The following NRDC variants were observed in gnomAD, a reference collection of about 807,000 sequenced individuals.
The protein encoded by NRDC is nardilysin convertase.
A neutral mutation model predicts 147.1 loss-of-function variants in NRDC; 54 were observed. The ratio of observed to expected loss-of-function variants is 0.37; its 90% confidence interval spans 0.29 to 0.46. The LOEUF is 0.46. NRDC is among the 20% of genes least tolerant of loss of function. NRDC has a pLI of 1.00. For missense variants in NRDC, 1,082 were observed against 1,370.6 expected (o/e 0.79, Z 3.33); for synonymous variants, 440 against 482.1 (o/e 0.91, Z 1.14).
chr1:51,805,617 A>G, intron 18 of NRDC, 56 bp from the exon 19 acceptor site: 1 of 1,076,558 alleles, frequency 9.3e-7, no homozygotes, highest in Non-Finnish European at 1.4e-6. Flanking sequence ...TATTTTATAC[A>G]TCTGTTATTT....
chr1:51,800,115 C>G (rs1679123894), intron 21 of NRDC, among the ~76,000 whole-genome samples: 2 of 152,200 alleles, frequency 1.3e-5, no homozygotes, highest in South Asian at 4.1e-4. Context: ...GCTGGGACTA[C>G]AGGCATGTGC....
At chr1:51,856,850 C>G (rs1025681755) in intron 1 of NRDC, among the ~76,000 whole-genome samples, 3 of 152,166 alleles carry the variant, frequency 2.0e-5, no homozygotes, top group Non-Finnish European at 2.9e-5. Flanking sequence ...CTGAGAAATT[C>G]TGTTTCCTGA....
At chr1:51,864,795 TACA>T (rs1256691304) in intron 1 of NRDC, among the ~76,000 whole-genome samples, 1 of 151,792 alleles carries the variant, frequency 6.6e-6, no homozygotes. Flanking sequence ...CTGCTAAAAA[TACA>T]AAAATTAGCC....
At chr1:51,849,043 C>A (rs964390945) in intron 1 of NRDC, among the ~76,000 whole-genome samples, 1 of 152,080 alleles carries the variant, frequency 6.6e-6, no homozygotes, top group Admixed American at 6.5e-5. Context: ...TATAAAGATA[C>A]CAATTCTTCC....
In NRDC at chr1:51,792,833, A is replaced by G. The variant is rs552716914; in HGVS notation, c.2776-409T>C. Reference sequence around the variant, plus strand: ...GGAGAGAAAATGAATAGTGCCACACAACAAGAACCAGTGCCACATAAAAGG... The same window carrying G: ...GGAGAGAAAATGAATAGTGCCACACGACAAGAACCAGTGCCACATAAAAGG... On this transcript the variant is annotated intron_variant, in intron 24 of 30. Transcript: ENST00000352171. Among the ~76,000 whole-genome samples, 3 of 152,360 alleles carry G rather than the reference A, an allele frequency of 2.0e-5. No individual in the cohort carries two copies. The East Asian group carries it at 5.8e-4, about 29-fold the overall frequency.
intron 1 of NRDC, among the ~76,000 whole-genome samples, 178 bp from the exon 2 acceptor site, chr1:51,840,692 A>G (rs1681226955): frequency 6.6e-6 from 1 of 152,196 alleles, no homozygotes; most frequent in African/African-American, 2.4e-5. Flanking sequence ...CCAAAAGCTA[A>G]TCAGTTTTTG....
At chr1:51,846,937 T>C (rs550009588) in intron 1 of NRDC, among the ~76,000 whole-genome samples, 2 of 152,308 alleles carry the variant, frequency 1.3e-5, no homozygotes, top group Admixed American at 6.5e-5. Flanking sequence ...CTAGATTAGC[T>C]AGATACAGAG....
intron 27 of NRDC, 21 bp downstream of exon 27, chr1:51,791,557 T>A (rs747237807): frequency 6.3e-7 from 1 of 1,575,550 alleles, no homozygotes; most frequent in South Asian, 1.1e-5. Context: ...GTTACACTCA[T>A]CTATTCACTC....
At chr1:51,865,773 C>T (rs1346462568) in intron 1 of NRDC, among the ~76,000 whole-genome samples, 4 of 151,938 alleles carry the variant, frequency 2.6e-5, no homozygotes, top group Non-Finnish European at 5.9e-5. Context: ...ACAATATCGA[C>T]CAAGCATGAT....
At chr1:51,851,016 T>G (rs1571905084) in intron 1 of NRDC, among the ~76,000 whole-genome samples, 1 of 152,178 alleles carries the variant, frequency 6.6e-6, no homozygotes, top group East Asian at 1.9e-4. Context: ...GCCTCATCTG[T>G]ACCACATAAG....
chr1:51,878,234 G>T (rs756182663), intron 1 of NRDC, 41 bp downstream of exon 1: 1 of 1,565,902 alleles, frequency 6.4e-7, no homozygotes, highest in Non-Finnish European at 8.7e-7. Context: ...CAGAGAAGCC[G>T]GCACACTGTT....
intron 2 of NRDC, among the ~76,000 whole-genome samples, chr1:51,838,117 A>G (rs1681076334): frequency 6.6e-6 from 1 of 152,136 alleles, no homozygotes; most frequent in Non-Finnish European, 1.5e-5. Context: ...AATCAAAACA[A>G]TTTCTCGTCT....
At chr1:51,820,695 A>G (rs1378489546) in intron 8 of NRDC, among the ~76,000 whole-genome samples, 1 of 152,186 alleles carries the variant, frequency 6.6e-6, no homozygotes, top group East Asian at 1.9e-4. Context: ...ATCAGTTGTC[A>G]TTATAAGTTA....
chr1:51,800,180 G>T (rs1679126911), intron 21 of NRDC, among the ~76,000 whole-genome samples: 1 of 152,018 alleles, frequency 6.6e-6, no homozygotes. Flanking sequence ...TTGCTATATT[G>T]CCCAGGCTAG....
At chr1:51,846,009 A>G (rs954112449) in intron 1 of NRDC, among the ~76,000 whole-genome samples, 2 of 152,262 alleles carry the variant, frequency 1.3e-5, no homozygotes, top group African/African-American at 4.8e-5. Flanking sequence ...AAATGCATAT[A>G]AAGTTACAAC....
chr1:51,840,768 G>C (rs1307128412), intron 1 of NRDC, among the ~76,000 whole-genome samples: 1 of 152,082 alleles, frequency 6.6e-6, no homozygotes, highest in Non-Finnish European at 1.5e-5. Flanking sequence ...TTTAAATTTT[G>C]AACTACATAA....
At chr1:51,836,964 T>A (rs77334672) in intron 2 of NRDC, among the ~76,000 whole-genome samples, 6 of 140,122 alleles carry the variant, frequency 4.3e-5, no homozygotes, top group Non-Finnish European at 9.6e-5. Flanking sequence ...TTTTTTTTTT[T>A]AAGACAGGGG....
chr1:51,803,346 G>A (rs916157624), intron 20 of NRDC, among the ~76,000 whole-genome samples: 62 of 152,078 alleles, frequency 4.1e-4, no homozygotes, highest in African/African-American at 1.4e-3. Flanking sequence ...GTGGTGGTGC[G>A]TGCCTGTAGT....
intron 6 of NRDC, 90 bp from the exon 7 acceptor site, chr1:51,823,876 A>G: frequency 2.4e-6 from 2 of 828,358 alleles, no homozygotes; most frequent in Non-Finnish European, 3.7e-6. Flanking sequence ...GCTACCATAC[A>G]TGATTAATGA....
Sources: gnomAD v4.1 joint callset for allele counts (sites outside exome capture counted in the v4.1 genomes callset) on GRCh38, gnomAD v4.1.1 for gene constraint, MANE v1.5 for transcripts, NCBI Gene and HGNC (gene_info 2026-07-23, HGNC 2026-07-21) for gene names.